Variants in PRRC2B observed in about 807,000 individuals in gnomAD.
PRRC2B encodes protein PRRC2B.
PRRC2B carries 68 observed loss-of-function variants against 242.3 expected under a neutral mutation model. That is an observed-to-expected ratio of 0.28 (90% CI 0.23 to 0.34). The LOEUF (loss-of-function observed/expected upper bound fraction) is 0.34. Ranked by LOEUF, PRRC2B falls within the 10% of genes least tolerant of loss-of-function variation. PRRC2B has a pLI of 1.00. For missense variants in PRRC2B, 2,835 were observed against 2,954.8 expected, an observed-to-expected ratio of 0.96 and a Z score of 0.94; for synonymous variants, 1,228 against 1,173.6, an observed-to-expected ratio of 1.05 and a Z score of -0.95.
At position 131,430,222 on chromosome 9, in the gene PRRC2B, G is replaced by C; in HGVS notation, c.78G>C (p.Lys26Asn). The part of the protein sequence containing the change: ...SKYSTLSLFD[K>N]YKGKSVDAIR... The stretch of plus-strand genomic sequence containing the variant: ...ACTCGACTCTCAGCCTGTTTGATAA[G>C]TATAAAGGAAAATCAGTAGACGCGA... Residue 26 changes from lysine (K) to asparagine (N), a missense_variant, in exon 2 of 32, where the codon AAG (lysine) becomes AAC (asparagine). Lys to Asn is a moderately conservative substitution (Grantham distance 94). Around this residue, in one of 7 missense-constraint regions of PRRC2B, gnomAD observed 626 missense variants for 685.5 expected, o/e 0.91. Transcript: ENST00000683519. The C allele has an allele frequency of 6.2e-7, 1 of 1,605,488 alleles. No homozygotes were observed. The highest frequency in any genetic ancestry group is 8.5e-7 in the Non-Finnish European group (1 of 1,175,930).
chr9:131,380,343 C>T (rs1043839651), intron 1 of PRRC2B, among the ~76,000 whole-genome samples: 12 of 151,836 alleles, frequency 7.9e-5, no homozygotes, highest in African/African-American at 2.7e-4. Context: ...TTTGCGAGGC[C>T]GAGGCGAGCA....
chr9:131,410,534 C>G (rs1246429425), intron 1 of PRRC2B, among the ~76,000 whole-genome samples: 2 of 152,218 alleles, frequency 1.3e-5, no homozygotes, highest in Non-Finnish European at 2.9e-5. Flanking sequence ...CCAAGTAAGT[C>G]TGGATGTCAC....
intron 1 of PRRC2B, among the ~76,000 whole-genome samples, chr9:131,417,447 C>A (rs1170945516): frequency 6.6e-6 from 1 of 152,096 alleles, no homozygotes; most frequent in Non-Finnish European, 1.5e-5. Flanking sequence ...AGCCTTCAGC[C>A]AGTCCCCCCA....
At chr9:131,485,628 A>G (rs1258701196) in intron 25 of PRRC2B, 3 of 532,792 alleles carry the variant, frequency 5.6e-6, no homozygotes, top group Middle Eastern at 3.4e-4. Flanking sequence ...AGTGTCCCCA[A>G]GGGGAAGCGT....
At chr9:131,431,251 C>G (rs1228642313) in intron 2 of PRRC2B, among the ~76,000 whole-genome samples, 1 of 152,150 alleles carries the variant, frequency 6.6e-6, no homozygotes, top group East Asian at 1.9e-4. Context: ...CTGCCTCAGC[C>G]TCCCAAGTAG....
chr9:131,411,008 C>T (rs1383788418), intron 1 of PRRC2B, among the ~76,000 whole-genome samples: 1 of 152,118 alleles, frequency 6.6e-6, no homozygotes, highest in African/African-American at 2.4e-5. Flanking sequence ...GTAATCCCAG[C>T]ACTCTGGGAG....
chr9:131,446,966 C>T lies in PRRC2B; in HGVS notation c.856-119C>T. ...ATGGTGGTAGGATTAATTAGGAAAC[C>T]CCATGACTTTCCTGTTTCTTTTTCC... On this transcript the variant is annotated intron_variant, in intron 7 of 31. Transcript: ENST00000683519. This position sits in a 1 kb window ranked among gnomAD's most constrained non-coding sequence, Gnocchi z 4.1. The T allele has an allele frequency of 7.7e-7, 1 of 1,306,030 alleles. No homozygotes were observed. Among genetic ancestry groups the T allele is most frequent in the Non-Finnish European group, 1.1e-6 (1 of 936,388 alleles). The allele number at this position is 1,306,030 out of a possible 1,614,324, so 80.9% of individuals were successfully genotyped here. A position where few individuals can be genotyped will look rare whatever the true frequency, so the allele number is the denominator to read the frequency against.
chr9:131,482,582 C>A lies in PRRC2B; in HGVS notation c.5175+20C>A. On this transcript the variant is annotated intron_variant, in intron 21 of 31. Transcript: ENST00000683519. This position sits in a 1 kb window ranked among gnomAD's most constrained non-coding sequence, Gnocchi z 5.2. ...CAGAAGGTAACCTGGACGTTCCAGT[C>A]ACAGTGGCCAGGGCCTGGGTGGAAG... 1 of 1,572,802 alleles carries A rather than the reference C, an allele frequency of 6.4e-7. No individual in the cohort carries two copies. Among genetic ancestry groups the A allele is most frequent in the South Asian group, 1.2e-5 (1 of 86,566 alleles).
intron 5 of PRRC2B, among the ~76,000 whole-genome samples, chr9:131,443,293 C>T (rs1838672630): frequency 6.9e-6 from 1 of 145,390 alleles, no homozygotes; most frequent in Non-Finnish European, 1.5e-5. Flanking sequence ...GCCACCACGT[C>T]TGGCTAATTT....
intron 23 of PRRC2B, among the ~76,000 whole-genome samples, chr9:131,483,986 G>A (rs572687987): frequency 5.3e-5 from 8 of 152,314 alleles, no homozygotes; most frequent in South Asian, 2.1e-4. Flanking sequence ...CTGAATGAAC[G>A]AGTATCATTT....
At chr9:131,443,103 TTTTATTTTA>T (rs1838659167) in intron 5 of PRRC2B, among the ~76,000 whole-genome samples, 1 of 150,268 alleles carries the variant, frequency 6.7e-6, no homozygotes, top group Non-Finnish European at 1.5e-5. Context: ...CATTTGTTTA[TTTTATTTTA>T]TTTATTTTAT....
intron 1 of PRRC2B, among the ~76,000 whole-genome samples, chr9:131,379,506 C>T (rs780760026): frequency 8.6e-5 from 13 of 151,952 alleles, no homozygotes; most frequent in Non-Finnish European, 1.6e-4. Context: ...AAAGTTGTAT[C>T]TCATAGTGGT....
intron 1 of PRRC2B, among the ~76,000 whole-genome samples, chr9:131,419,842 T>G (rs1837752748): frequency 2.1e-5 from 3 of 143,138 alleles, no homozygotes; most frequent in Non-Finnish European, 4.6e-5. Context: ...GGGGCCAGCA[T>G]GTTGGGCCGG....
chr9:131,463,908 C>T (rs940592376), intron 11 of PRRC2B, among the ~76,000 whole-genome samples: 1 of 151,054 alleles, frequency 6.6e-6, no homozygotes, highest in Non-Finnish European at 1.5e-5. Flanking sequence ...GTAGGAATTA[C>T]AGGCATGAGC....
chr9:131,374,292 C>G (rs1588231204), intron 1 of PRRC2B, among the ~76,000 whole-genome samples: 1 of 151,716 alleles, frequency 6.6e-6, no homozygotes, highest in African/African-American at 2.4e-5. Flanking sequence ...GCGGTGGCGC[C>G]CAGCGGAGAC....
intron 1 of PRRC2B, among the ~76,000 whole-genome samples, chr9:131,412,447 A>G (rs748015003): frequency 2.0e-5 from 3 of 152,164 alleles, no homozygotes; most frequent in Non-Finnish European, 2.9e-5. Context: ...CTTCCAAACA[A>G]TGCTGCCACA....
At chr9:131,426,095 T>C (rs568458677) in intron 1 of PRRC2B, among the ~76,000 whole-genome samples, 3 of 151,948 alleles carry the variant, frequency 2.0e-5, no homozygotes, top group East Asian at 2.0e-4. Flanking sequence ...CCCAGCACTT[T>C]GGGAAGCTGA....
chr9:131,456,463 C>T (rs903170465), intron 10 of PRRC2B, among the ~76,000 whole-genome samples: 3 of 151,930 alleles, frequency 2.0e-5, no homozygotes, highest in African/African-American at 7.3e-5. Context: ...AACCCCGTCT[C>T]TACTAAAAAT....
intron 1 of PRRC2B, among the ~76,000 whole-genome samples, chr9:131,420,508 T>TCTTTCGTTCTTTCTTTCG (rs1837807733): frequency 7.7e-6 from 1 of 129,504 alleles, no homozygotes; most frequent in African/African-American, 2.9e-5. Flanking sequence ...TTTTTTTTTT[T>TCTTTCGTTCTTTCTTTCG]TTGAGATGGA....
Sources: allele counts gnomAD v4.1 joint callset (sites outside exome capture counted in the v4.1 genomes callset), GRCh38; gene constraint gnomAD v4.1.1; regional missense constraint gnomAD v4.1.1; non-coding constraint Gnocchi (gnomAD v3.1); transcripts MANE v1.5; gene names NCBI Gene and HGNC (gene_info 2026-07-23, HGNC 2026-07-21).